Variants in DNAH5 observed in about 807,000 individuals in gnomAD.
DNAH5 encodes the protein dynein axonemal heavy chain 5, also known as axonemal beta dynein heavy chain 5.
A neutral mutation model predicts 518.2 loss-of-function variants in DNAH5; 372 were observed. The ratio of observed to expected loss-of-function variants is 0.72; its 90% CI spans 0.66 to 0.78. The LOEUF (loss-of-function observed/expected upper bound fraction) is 0.78. Ranked by LOEUF, DNAH5 falls within the 30% of genes least tolerant of loss-of-function variation. The pLI, the probability that DNAH5 is intolerant of heterozygous loss-of-function variation, is 0.00. For synonymous variants in DNAH5, 2,039 were observed against 2,025.9 expected, an observed-to-expected ratio of 1.01 and a Z score of -0.17; for missense variants, 5,523 against 5,687.0, an observed-to-expected ratio of 0.97 and a Z score of 0.93.
rs767156018 is a variant in DNAH5, at chr5:13,900,399, T to A, written c.2066A>T (p.His689Leu). The change falls in exon 15 of 79, where the codon CAT becomes CTT. Residue 689 changes from histidine to leucine, a missense_variant. Transcript: ENST00000265104. ...CAATAATGAAGCCTCAAGACCTACA[T>A]GAATTTCTTCAATCTGTGGGAAGAA... ...RAWLRQIEEI[H>L]VGLEASLLVK... 4 of 1,614,108 alleles carry A rather than the reference T, an allele frequency of 2.5e-6. No homozygotes were observed. Among genetic ancestry groups the A allele is most frequent in the Non-Finnish European group, 3.4e-6 (4 of 1,179,972 alleles).
intron 47 of DNAH5, among the ~76,000 whole-genome samples, chr5:13,798,235 G>T (rs1758136570): frequency 1.3e-5 from 2 of 152,040 alleles, no homozygotes; most frequent in South Asian, 4.2e-4. Flanking sequence ...ACTGAAAGAA[G>T]GGACACTGGA....
Position 13,823,343 on chromosome 5 carries a change from T to A in DNAH5, c.6607A>T (p.Ser2203Cys). The part of the protein sequence containing the change: ...LIDEDEPLFL[S>C]LIEDLFPNIL... ...TTTGGAAAGAGATCTTCAATCAAACTCAAAAACAAGGGTTCATCCTCATCA... is the reference window on the plus strand; with the variant it reads ...TTTGGAAAGAGATCTTCAATCAAACACAAAAACAAGGGTTCATCCTCATCA... Residue 2203 changes from serine to cysteine, a missense_variant, in exon 40 of 79, where the codon AGT becomes TGT. Physicochemically the swap from Ser to Cys is moderately radical, Grantham distance 112. Transcript: ENST00000265104. 6.2e-7 allele frequency: 1 copy of A among 1,613,446 alleles called. No homozygotes were observed. Among genetic ancestry groups the A allele is most frequent in the Non-Finnish European group, 8.5e-7 (1 of 1,179,602 alleles).
chr5:13,993,847 G>A (rs942184961), intron 1 of DNAH5, among the ~76,000 whole-genome samples: 3 of 152,182 alleles, frequency 2.0e-5, no homozygotes, highest in Non-Finnish European at 2.9e-5. Flanking sequence ...CAAGACTTCA[G>A]CAGATCCCAG....
chr5:13,759,681 T>A lies in DNAH5; in HGVS notation c.10282-698A>T, dbSNP rs80062359. Among the ~76,000 whole-genome samples, 796 of 152,256 alleles carry A rather than the reference T, an allele frequency of 5.2e-3. 15 individuals are homozygous for A. The highest frequency in any genetic ancestry group is 0.049 in the East Asian group (252 of 5,186). ...TTTTAAAGAAGCTATTAAGATAGAA[T>A]CAAAAGACTTAACCAAAAGCAATAT... On this transcript the variant is annotated intron_variant, in intron 60 of 78. Coordinates refer to ENST00000265104, the MANE Select transcript of DNAH5 (RefSeq NM_001369.3).
chr5:13,769,352 G>GT, intron 57 of DNAH5, 149 bp downstream of exon 57: 3 of 901,616 alleles, frequency 3.3e-6, no homozygotes, highest in Non-Finnish European at 3.6e-6. Flanking sequence ...CACTTACCCA[G>GT]TTTTTTATAC....
At chr5:13,898,927 T>G (rs192621644) in intron 15 of DNAH5, 2 of 259,400 alleles carry the variant, frequency 7.7e-6, no homozygotes, top group Non-Finnish European at 1.4e-5. Context: ...CCTTTTTTTG[T>G]TGTTTTTTGT....
In DNAH5 at chr5:13,900,296, G is replaced by A. The variant is rs1046401637; in HGVS notation, c.2169C>T (p.Cys723=). Residue 723 remains cysteine (C), a synonymous_variant, in exon 15 of 79, where the codon TGC becomes TGT. Coordinates refer to ENST00000265104, the MANE Select transcript of DNAH5 (RefSeq NM_001369.3). ...AGACTTCCAGACCCATCTGGGCCAT[G>A]CACTCTGTTTCTCTAAATAAGATTA... The part of the protein sequence containing the change: ...QILILFRETE[C]MAQMGLEVSP... 2 of 1,614,032 alleles carry A rather than the reference G, an allele frequency of 1.2e-6. No individual in the cohort carries two copies. The highest frequency in any genetic ancestry group is 3.3e-5 in the Admixed American group (2 of 60,010).
intron 1 of DNAH5, among the ~76,000 whole-genome samples, chr5:14,002,909 A>T (rs1251958123): frequency 6.6e-6 from 1 of 152,086 alleles, no homozygotes; most frequent in Admixed American, 6.5e-5. Flanking sequence ...TTGTGCTTAT[A>T]AGAACAAAAT....
rs192154198 is a variant in DNAH5 at position 13,774,291 on chromosome 5, G to C, written c.9373+2148C>G. Among the ~76,000 whole-genome samples, 17 of 152,106 alleles carry C rather than the reference G, an allele frequency of 1.1e-4. No homozygotes were observed. In the East Asian group the frequency reaches 2.7e-3, roughly 24 times the overall value. On this transcript the variant is annotated intron_variant, in intron 55 of 78. Coordinates refer to ENST00000265104, the MANE Select transcript of DNAH5 (RefSeq NM_001369.3). Reference sequence around the variant, plus strand: ...GACTTGAGAGTTGGAGAAAAGGGGAGGTGTTGATGACAAAGGGGTCTCAGG... The same window carrying C: ...GACTTGAGAGTTGGAGAAAAGGGGACGTGTTGATGACAAAGGGGTCTCAGG...
rs539286465 is a variant in DNAH5 at position 13,753,524 on chromosome 5, A to T, written c.10581T>A (p.Phe3527Leu). 6.2e-7 allele frequency: 1 copy of T among 1,613,884 alleles called. No individual in the cohort carries two copies. The highest frequency in any genetic ancestry group is 1.3e-5 in the African/African-American group (1 of 75,016). The change falls in exon 63 of 79, where the codon TTT (phenylalanine) becomes TTA (leucine). Residue 3527 changes from phenylalanine (F) to leucine (L), a missense_variant. Coordinates refer to ENST00000265104, the MANE Select transcript of DNAH5 (RefSeq NM_001369.3). Reference sequence around the variant, plus strand: ...GGTTAAATGGACCAGAATAAGATAGAAAAGCTGTAGCCAACAGTACATCCC... The same window carrying T: ...GGTTAAATGGACCAGAATAAGATAGTAAAGCTGTAGCCAACAGTACATCCC... ...LVGDVLLATA[F>L]LSYSGPFNQE...
At chr5:13,998,927 A>G (rs1784152482) in intron 1 of DNAH5, among the ~76,000 whole-genome samples, 1 of 152,172 alleles carries the variant, frequency 6.6e-6, no homozygotes, top group African/African-American at 2.4e-5. Context: ...GCTGGAGTGC[A>G]GTGGCTCAAT....
chr5:13,922,677 A>G (rs373916858), intron 4 of DNAH5, among the ~76,000 whole-genome samples: 2 of 150,618 alleles, frequency 1.3e-5, no homozygotes, highest in East Asian at 2.0e-4. Flanking sequence ...GCAGTGAGCC[A>G]AGATGGCGCC....
At chr5:13,951,786 T>C (rs1031537851) in intron 1 of DNAH5, among the ~76,000 whole-genome samples, 13 of 152,154 alleles carry the variant, frequency 8.5e-5, no homozygotes, top group African/African-American at 2.2e-4. Context: ...AGGGATCATT[T>C]TGGGGGCTAT....
chr5:13,845,074 A>G, intron 31 of DNAH5, 81 bp from the exon 32 acceptor site: 1 of 1,346,224 alleles, frequency 7.4e-7, no homozygotes. Context: ...GGATGGGAAA[A>G]GGGGAGAAGA....
chr5:13,884,526 C>T (rs1280524374), intron 19 of DNAH5, among the ~76,000 whole-genome samples: 3 of 152,256 alleles, frequency 2.0e-5, no homozygotes, highest in East Asian at 1.9e-4. Flanking sequence ...TTTAAAATTA[C>T]GAGAAGGCAC....
chr5:13,839,620 T>A, intron 34 of DNAH5, 92 bp from the exon 35 acceptor site: 1 of 1,161,988 alleles, frequency 8.6e-7, no homozygotes, highest in Non-Finnish European at 1.3e-6. Flanking sequence ...TAAAGTGAAA[T>A]AAATGAAACT....
chr5:13,952,525 C>T (rs376591208), intron 1 of DNAH5, among the ~76,000 whole-genome samples: 14 of 152,106 alleles, frequency 9.2e-5, no homozygotes, highest in African/African-American at 3.4e-4. Flanking sequence ...TTGATGACTC[C>T]CAACCTCCAC....
rs948882542 is a variant in DNAH5, at chr5:13,770,598, T to C, written c.9605+151A>G. 9.8e-6 allele frequency: 7 copies of C among 714,552 alleles called. No individual in the cohort carries two copies. In the African/African-American group the frequency reaches 1.1e-4, roughly 11 times the overall value. The allele number at this position is 714,552 out of a possible 1,614,324, so 44.3% of individuals were successfully genotyped here. On this transcript the variant is annotated intron_variant, in intron 56 of 78. Coordinates refer to ENST00000265104, the MANE Select transcript of DNAH5 (RefSeq NM_001369.3). ...GCAACATCCCTAAGCCTCTACCCAC[T>C]ACATGCCAGCAGTACCCCTTCCCTG...
Position 13,714,435 on chromosome 5 carries a change from C to T in DNAH5, c.13095G>A (p.Glu4365=), listed in dbSNP as rs372604448. ...AGGGGACATAGTCTGGGGGCAGCTT[C>T]TCCAGCATATCATCAGCCAGCCGGG... ...VVARLADDML[E]KLPPDYVPFE... The change falls in exon 75 of 79, where the codon GAG becomes GAA. Residue 4365 remains glutamate, a synonymous_variant. Transcript: ENST00000265104. 13 of 1,614,202 alleles carry T rather than the reference C, an allele frequency of 8.1e-6. No homozygotes were observed. The highest frequency in any genetic ancestry group is 4.5e-5 in the East Asian group (2 of 44,882).
Sources: gnomAD v4.1 joint callset for allele counts (sites outside exome capture counted in the v4.1 genomes callset) on GRCh38, gnomAD v4.1.1 for gene constraint, MANE v1.5 for transcripts, NCBI Gene and HGNC (gene_info 2026-07-23, HGNC 2026-07-21) for gene names.